FAM81B: variants seen among roughly 807,000 people sequenced by gnomAD.
The protein encoded by FAM81B is protein FAM81B.
FAM81B carries 60 observed loss-of-function variants against 58.7 expected under a neutral mutation model. The ratio of observed to expected loss-of-function variants is 1.02; its 90% CI spans 0.83 to 1.27. FAM81B has a LOEUF of 1.27. FAM81B is among the 50% of genes most tolerant of loss of function. The probability of loss-of-function intolerance (pLI) is 0.00; values close to 1 mark genes in which losing one functional copy is unlikely to be tolerated. For synonymous variants in FAM81B, 189 were observed against 179.6 expected (o/e 1.05, Z -0.42); for missense variants, 491 against 522.0 (o/e 0.94, Z 0.58).
chr5:95,424,595 C>A (rs766068700), intron 5 of FAM81B, among the ~76,000 whole-genome samples: 4 of 152,054 alleles, frequency 2.6e-5, no homozygotes, highest in African/African-American at 7.2e-5. Flanking sequence ...GTCTTGGAAC[C>A]TAGAAAGCAG....
At chr5:95,442,749 C>A (rs1745412483) in intron 7 of FAM81B, among the ~76,000 whole-genome samples, 1 of 152,080 alleles carries the variant, frequency 6.6e-6, no homozygotes, top group African/African-American at 2.4e-5. Context: ...AATCACATAA[C>A]ATTAAGAAGA....
chr5:95,425,954 T>C (rs1040980736), intron 5 of FAM81B, among the ~76,000 whole-genome samples: 18 of 151,396 alleles, frequency 1.2e-4, no homozygotes, highest in Admixed American at 2.0e-4. Context: ...GAAATACATA[T>C]CTGAAACTCA....
At chr5:95,404,715 G>T (rs1039536827) in intron 3 of FAM81B, among the ~76,000 whole-genome samples, 1 of 152,182 alleles carries the variant, frequency 6.6e-6, no homozygotes, top group African/African-American at 2.4e-5. Flanking sequence ...CCTACTATGT[G>T]CCACACATTC....
chr5:95,408,074 A>AAGAGAGAGAGAGAGAG (rs1380385866), intron 3 of FAM81B, among the ~76,000 whole-genome samples: 1 of 41,674 alleles, frequency 2.4e-5, no homozygotes, highest in Non-Finnish European at 5.4e-5. Context: ...TTCCCCCAAA[A>AAGAGAGAGAGAGAGAG]TGAGAGAGAG....
Position 95,444,592 on chromosome 5 carries a change from T to C in FAM81B, c.894-1970T>C, listed in dbSNP as rs371832392. Among the ~76,000 whole-genome samples, 52 of 152,200 alleles carry C rather than the reference T, an allele frequency of 3.4e-4. 2 individuals carry two copies. The highest frequency in any genetic ancestry group is 3.4e-3 in the Middle Eastern group (1 of 294). On this transcript the variant is annotated intron_variant, in intron 7 of 9. Transcript: ENST00000283357. ...AGCTGTTAACCAACAGCACAGGTGA[T>C]TGGGAATCATGATTAGACTAAGAAC...
At position 95,428,708 on chromosome 5, in the gene FAM81B, T is replaced by A; in HGVS notation, c.762T>A (p.Thr254=). The change falls in exon 6 of 10, where the codon ACT becomes ACA. Residue 254 remains threonine, a synonymous_variant. Transcript: ENST00000283357. ...AAGAATTCGTGCCCGCCCTGGAAAC[T>A]CTTTCCAAGAACTTGGACATGAAGG... ...AIQEFVPALE[T]LSKNLDMKVM... The A allele has an allele frequency of 6.2e-7, 1 of 1,613,950 alleles. No homozygotes were observed. Among genetic ancestry groups the A allele is most frequent in the Non-Finnish European group, 8.5e-7 (1 of 1,179,822 alleles).
At chr5:95,395,297 G>A (rs778234509) in intron 2 of FAM81B, among the ~76,000 whole-genome samples, 27 of 151,984 alleles carry the variant, frequency 1.8e-4, no homozygotes, top group Admixed American at 3.3e-4. Flanking sequence ...AAAAAATTTA[G>A]CCAGGCGTGG....
At chr5:95,392,071 T>C (rs1582773627) in intron 1 of FAM81B, among the ~76,000 whole-genome samples, 1 of 152,224 alleles carries the variant, frequency 6.6e-6, no homozygotes, top group African/African-American at 2.4e-5. Context: ...ATTGCAGCAC[T>C]GTTCACAATA....
intron 3 of FAM81B, among the ~76,000 whole-genome samples, chr5:95,409,056 A>G (rs2152762520): frequency 6.6e-6 from 1 of 152,380 alleles, no homozygotes; most frequent in East Asian, 1.9e-4. Context: ...AATGTAAAAT[A>G]TTCCATTAAA....
At position 95,448,235 on chromosome 5, in the gene FAM81B, T is replaced by C. The variant is rs764524590; in HGVS notation, c.1030-34T>C. ...AAGCTGAAAGATAAATCCATGTACA[T>C]TTCTGAAGTTTTATCCCATAATCTC... is the stretch of plus-strand genomic sequence containing the variant. On this transcript the variant is annotated intron_variant, in intron 8 of 9. Transcript: ENST00000283357. 1.2e-5 allele frequency: 18 copies of C among 1,544,898 alleles called. No homozygotes were observed. In the South Asian group the frequency reaches 1.8e-4, roughly 16 times the overall value.
intron 7 of FAM81B, among the ~76,000 whole-genome samples, chr5:95,445,085 T>C (rs1483869549): frequency 6.6e-6 from 1 of 152,182 alleles, no homozygotes; most frequent in Non-Finnish European, 1.5e-5. Flanking sequence ...ACAGAACTTG[T>C]ATTTTCTAAT....
In FAM81B at chr5:95,439,236, GTATATA is replaced by G. The variant is rs577076287; in HGVS notation, c.893+2354_893+2359del. On this transcript the variant is annotated intron_variant, in intron 7 of 9. Transcript: ENST00000283357. ...ATAGGCAAGCTTGCTAGGTTAAAGA[GTATATA>G]TATATATATATATATATATATATGT... is the stretch of plus-strand genomic sequence containing the variant. Among the ~76,000 whole-genome samples, 88 of 105,194 alleles carry G rather than the reference GTATATA, an allele frequency of 8.4e-4. 4 individuals carry two copies. Among genetic ancestry groups the G allele is most frequent in the Non-Finnish European group, 1.1e-3 (56 of 52,288 alleles). 69.0% of individuals were successfully genotyped at this position (105,194 alleles called of 152,430 possible). A position where few individuals can be genotyped will look rare whatever the true frequency, so the allele number is the denominator to read the frequency against.
rs200107293 is a variant in FAM81B, at chr5:95,432,645, GA to G, written c.786+3921del. On this transcript the variant is annotated intron_variant, in intron 6 of 9. Transcript: ENST00000283357. Reference sequence around the variant, plus strand: ...AGCTTCTATAAATTACTTTTTCTTAGAAAAAAAATCTATTTCCTTCAGATTT... The same window carrying G: ...AGCTTCTATAAATTACTTTTTCTTAGAAAAAAATCTATTTCCTTCAGATTT... Among the ~76,000 whole-genome samples the G allele has an allele frequency of 8.4e-3, 1,269 of 151,464 alleles. 18 individuals are homozygous for G. Among genetic ancestry groups the G allele is most frequent in the African/African-American group, 0.029 (1,183 of 41,374 alleles).
intron 4 of FAM81B, among the ~76,000 whole-genome samples, chr5:95,418,288 T>G (rs1474348263): frequency 6.6e-6 from 1 of 152,110 alleles, no homozygotes; most frequent in South Asian, 2.1e-4. Flanking sequence ...TTTTACTTAA[T>G]AATTCCCCAA....
At chr5:95,448,781 A>G (rs1187274252) in intron 9 of FAM81B, 2 of 461,304 alleles carry the variant, frequency 4.3e-6, no homozygotes, top group South Asian at 1.7e-5. Flanking sequence ...GGACATACCC[A>G]AGACGTGACT....
intron 1 of FAM81B, among the ~76,000 whole-genome samples, chr5:95,392,463 G>A (rs1245052603): frequency 6.6e-6 from 1 of 152,088 alleles, no homozygotes; most frequent in Non-Finnish European, 1.5e-5. Context: ...TAACAAACCT[G>A]CATGTTCTGC....
chr5:95,400,064 T>C (rs1452513688), intron 3 of FAM81B, among the ~76,000 whole-genome samples: 2 of 152,212 alleles, frequency 1.3e-5, no homozygotes, highest in African/African-American at 4.8e-5. Context: ...ATGAAAATGA[T>C]ACATTGACTA....
At chr5:95,393,147 G>C (rs1268116947) in intron 2 of FAM81B, among the ~76,000 whole-genome samples, 1 of 152,150 alleles carries the variant, frequency 6.6e-6, no homozygotes, top group East Asian at 1.9e-4. Context: ...CATTATGTAT[G>C]TTTTATGATG....
At chr5:95,446,526 A>C in intron 7 of FAM81B, 36 bp from the exon 8 acceptor site, 1 of 1,499,008 alleles carries the variant, frequency 6.7e-7, no homozygotes, top group Non-Finnish European at 8.9e-7. Context: ...GTTTAAATTA[A>C]CTTATTTAAA....
Sources: allele counts gnomAD v4.1 joint callset (sites outside exome capture counted in the v4.1 genomes callset), GRCh38; gene constraint gnomAD v4.1.1; transcripts MANE v1.5; gene names NCBI Gene and HGNC (gene_info 2026-07-23, HGNC 2026-07-21).